The following BBX variants were observed in gnomAD, a reference collection of about 807,000 sequenced individuals.
BBX encodes the protein BBX high mobility group box domain containing.
A neutral mutation model predicts 100.2 loss-of-function variants in BBX; 30 were observed. That is an observed-to-expected ratio of 0.30 (90% CI 0.22 to 0.41). BBX has a LOEUF of 0.41. BBX is among the 10% of genes least tolerant of loss of function. The pLI is 1.00. For missense variants in BBX, 1,023 were observed against 1,129.8 expected (o/e 0.91, Z 1.35); for synonymous variants, 376 against 388.1 (o/e 0.97, Z 0.37).
Position 107,773,676 on chromosome 3 carries a change from A to T in BBX, c.1915+40A>T. 3 of 1,545,332 alleles carry T rather than the reference A, an allele frequency of 1.9e-6. No individual in the cohort carries two copies. The South Asian group carries it at 3.8e-5, about 20-fold the overall frequency. Reference sequence around the variant, plus strand: ...CAAACCTGAAAAGAATTCAAAAACCAAACAGAATTTCACCTTTAGACCTAT... The same window carrying T: ...CAAACCTGAAAAGAATTCAAAAACCTAACAGAATTTCACCTTTAGACCTAT... On this transcript the variant is annotated intron_variant, in intron 11 of 17. Transcript: ENST00000325805. This position sits in a 1 kb window ranked among gnomAD's most constrained non-coding sequence, Gnocchi z 4.1.
intron 2 of BBX, among the ~76,000 whole-genome samples, chr3:107,634,226 C>T (rs982564524): frequency 1.3e-5 from 2 of 152,136 alleles, no homozygotes; most frequent in African/African-American, 4.8e-5. Flanking sequence ...TATTACTCTA[C>T]CATTGGATTT....
chr3:107,809,321 G>A lies in BBX; in HGVS notation c.*3864G>A, dbSNP rs1380453540. 6.6e-6 allele frequency: 1 copy of A among 152,220 alleles called. No individual in the cohort carries two copies. Among genetic ancestry groups the A allele is most frequent in the Non-Finnish European group, 1.5e-5 (1 of 68,040 alleles). The allele number at this position is 152,220 out of a possible 1,614,324, so 9.4% of individuals were successfully genotyped here. On this transcript the variant is annotated 3_prime_UTR_variant, in exon 18 of 18. Coordinates refer to ENST00000325805, the MANE Select transcript of BBX (RefSeq NM_001142568.3). ...CTAAACTACTGTATGAATCGTAAAT[G>A]TTCTGAAGACGAGCAGCTGGAGGCT...
intron 10 of BBX, among the ~76,000 whole-genome samples, chr3:107,763,910 T>TG (rs1486131253): frequency 6.6e-6 from 1 of 152,180 alleles, no homozygotes; most frequent in African/African-American, 2.4e-5. Flanking sequence ...CTGGTATTCT[T>TG]GGGAGGTATA....
chr3:107,717,610 C>T (rs779317517), intron 5 of BBX, among the ~76,000 whole-genome samples: 8 of 151,664 alleles, frequency 5.3e-5, no homozygotes, highest in African/African-American at 1.2e-4. Context: ...ACTGTGTAGG[C>T]GGTGGTTAGT....
At chr3:107,641,156 C>G (rs1470422681) in intron 2 of BBX, among the ~76,000 whole-genome samples, 1 of 148,794 alleles carries the variant, frequency 6.7e-6, no homozygotes, top group Non-Finnish European at 1.5e-5. Flanking sequence ...ATTACCTAAG[C>G]TCACTGCAAC....
intron 3 of BBX, among the ~76,000 whole-genome samples, chr3:107,692,131 G>A (rs1479738359): frequency 6.6e-6 from 1 of 151,084 alleles, no homozygotes; most frequent in East Asian, 1.9e-4. Context: ...ATTATAATTA[G>A]ATATCAGGAT....
At chr3:107,638,962 C>G (rs1339492769) in intron 2 of BBX, among the ~76,000 whole-genome samples, 1 of 151,914 alleles carries the variant, frequency 6.6e-6, no homozygotes, top group Non-Finnish European at 1.5e-5. Context: ...GCACTCCAGC[C>G]TGGGCAACAG....
At chr3:107,762,269 A>C (rs2065958285) in intron 10 of BBX, among the ~76,000 whole-genome samples, 1 of 152,210 alleles carries the variant, frequency 6.6e-6, no homozygotes, top group Admixed American at 6.5e-5. Flanking sequence ...CTTCAGAAAC[A>C]GTACCATTTC....
At chr3:107,564,217 T>C (rs2050710180) in intron 2 of BBX, among the ~76,000 whole-genome samples, 2 of 152,188 alleles carry the variant, frequency 1.3e-5, no homozygotes, top group South Asian at 4.1e-4. Context: ...ACTATTGGGC[T>C]CTCCTTTCTT....
At position 107,804,812 on chromosome 3, in the gene BBX, C is replaced by CTT. The variant is rs771866658; in HGVS notation, c.2739-546_2739-545dup. 1.3e-4 allele frequency among the ~76,000 whole-genome samples: 18 copies of CTT among 142,718 alleles called. 1 individual carries two copies. Among genetic ancestry groups the CTT allele is most frequent in the African/African-American group, 4.1e-4 (16 of 39,248 alleles). The allele number at this position is 142,718 out of a possible 152,430, so 93.6% of individuals were successfully genotyped here. A position where few individuals can be genotyped will look rare whatever the true frequency, so the allele number is the denominator to read the frequency against. ...AGAGGGTTTTATTGTTTCTTCATTCCTTTTTTTTTTTTTGGAGTCACAGTC... is the reference window on the plus strand; with the variant it reads ...AGAGGGTTTTATTGTTTCTTCATTCCTTTTTTTTTTTTTTTGGAGTCACAGTC... On this transcript the variant is annotated intron_variant, in intron 17 of 17. Transcript: ENST00000325805.
At chr3:107,557,747 G>T (rs548823812) in intron 2 of BBX, among the ~76,000 whole-genome samples, 1 of 152,152 alleles carries the variant, frequency 6.6e-6, no homozygotes. Flanking sequence ...TTTCAGTAGG[G>T]ACCAAGTTTT....
chr3:107,588,614 C>T (rs1483811692), intron 2 of BBX, among the ~76,000 whole-genome samples: 1 of 152,158 alleles, frequency 6.6e-6, no homozygotes, highest in Non-Finnish European at 1.5e-5. Context: ...AGCTGCTTAA[C>T]TCCTGTGTGC....
At chr3:107,542,993 T>A (rs1478248299) in intron 2 of BBX, among the ~76,000 whole-genome samples, 9 of 152,214 alleles carry the variant, frequency 5.9e-5, no homozygotes, top group African/African-American at 2.2e-4. Flanking sequence ...CAGTTGCTCC[T>A]CAGTAGCTTA....
chr3:107,570,973 C>G (rs916089968), intron 2 of BBX, among the ~76,000 whole-genome samples: 2 of 152,128 alleles, frequency 1.3e-5, no homozygotes, highest in Non-Finnish European at 2.9e-5. Context: ...ATGGAGAAAT[C>G]AAAAGTGTTG....
chr3:107,755,712 G>T, intron 10 of BBX, 34 bp downstream of exon 10: 1 of 1,546,972 alleles, frequency 6.5e-7, no homozygotes, highest in Non-Finnish European at 8.9e-7. Context: ...GATAAGATCT[G>T]CAGAGGTGGA....
chr3:107,644,517 G>A (rs1474853675), intron 2 of BBX, among the ~76,000 whole-genome samples: 2 of 152,116 alleles, frequency 1.3e-5, no homozygotes, highest in Non-Finnish European at 2.9e-5. Context: ...AGTATTATGA[G>A]ATTTTCTTTA....
chr3:107,724,575 G>A (rs369361525), intron 5 of BBX, among the ~76,000 whole-genome samples: 46 of 152,022 alleles, frequency 3.0e-4, no homozygotes, highest in Non-Finnish European at 6.3e-4. Context: ...ATCTTGAATT[G>A]ATTTTTGTAT....
rs1008459344 is a variant in BBX at position 107,699,048 on chromosome 3, C to T, written c.-9-11404C>T. On this transcript the variant is annotated intron_variant, in intron 3 of 17. Coordinates refer to ENST00000325805, the MANE Select transcript of BBX (RefSeq NM_001142568.3). ...TTCATTCATTCATTTGCCTGCAGTG[C>T]GCCCGGCTCTGTGTCAAGCCCTGGA... Among the ~76,000 whole-genome samples, 3 of 151,854 alleles carry T rather than the reference C, an allele frequency of 2.0e-5. No individual in the cohort carries two copies. In the East Asian group the frequency reaches 5.8e-4, roughly 29 times the overall value.
chr3:107,725,341 A>G (rs2062842836), intron 5 of BBX, among the ~76,000 whole-genome samples: 1 of 152,196 alleles, frequency 6.6e-6, no homozygotes. Context: ...ATATACAATC[A>G]TGTCATCTGC....
Sources: allele counts gnomAD v4.1 joint callset (sites outside exome capture counted in the v4.1 genomes callset), GRCh38; gene constraint gnomAD v4.1.1; non-coding constraint Gnocchi (gnomAD v3.1); transcripts MANE v1.5; gene names NCBI Gene and HGNC (gene_info 2026-07-23, HGNC 2026-07-21).